The following NPHP4 variants were observed in gnomAD, a reference collection of about 807,000 sequenced individuals.
The protein encoded by NPHP4 is nephrocystin-4.
In NPHP4, 151 loss-of-function variants were observed where a neutral mutation model predicts 155.8. The observed-to-expected ratio is 0.97, with a 90% CI of 0.85 to 1.11. NPHP4 has a LOEUF of 1.11. Among genes scored for constraint, NPHP4 ranks in the 50% least tolerant of loss-of-function variants. The probability of loss-of-function intolerance (pLI) is 0.00; values close to 1 mark genes in which losing one functional copy is unlikely to be tolerated. For synonymous variants in NPHP4, 845 were observed against 816.8 expected, an observed-to-expected ratio of 1.03 and a Z score of -0.59; for missense variants, 1,956 against 1,925.7, an observed-to-expected ratio of 1.02 and a Z score of -0.29.
chr1:5,918,220 G>A (rs1645570470), intron 11 of NPHP4, among the ~76,000 whole-genome samples: 1 of 152,106 alleles, frequency 6.6e-6, no homozygotes. Flanking sequence ...CCTTAGGCAG[G>A]GCTTTACAGA....
intron 3 of NPHP4, among the ~76,000 whole-genome samples, chr1:5,970,135 A>T (rs976773922): frequency 2.6e-5 from 4 of 152,110 alleles, no homozygotes; most frequent in African/African-American, 9.7e-5. Context: ...GGGCGCTCCC[A>T]CTTGGGAATG....
At chr1:5,920,186 C>A (rs1050833216) in intron 11 of NPHP4, among the ~76,000 whole-genome samples, 1 of 152,188 alleles carries the variant, frequency 6.6e-6, no homozygotes, top group African/African-American at 2.4e-5. Context: ...CCGCCTGAAC[C>A]TCCCAAAGTG....
At chr1:5,899,286 A>G (rs1438758827) in intron 16 of NPHP4, among the ~76,000 whole-genome samples, 1 of 152,228 alleles carries the variant, frequency 6.6e-6, no homozygotes, top group Non-Finnish European at 1.5e-5. Flanking sequence ...TGAATGGAGA[A>G]GCATCACAGA....
Position 5,875,003 on chromosome 1 carries a change from C to T in NPHP4, c.2915G>A (p.Ser972Asn). The T allele has an allele frequency of 6.2e-7, 1 of 1,612,146 alleles. No individual in the cohort carries two copies. The highest frequency in any genetic ancestry group is 1.1e-5 in the South Asian group (1 of 91,066). The change falls in exon 21 of 30, where the codon AGC becomes AAC. Residue 972 changes from serine (S) to asparagine (N), a missense_variant. Coordinates refer to ENST00000378156, the MANE Select transcript of NPHP4 (RefSeq NM_015102.5). ...TKAESIASLL[S>N]LAITTEHTLH... is the part of the protein sequence containing the mutation. ...CGTGTGCTCCGTGGTGATGGCCAGG[C>T]TCAGCAGGCTGGCGATGCTCTCGGC...
At chr1:5,879,669 TG>T in intron 19 of NPHP4, 2 of 506,256 alleles carry the variant, frequency 4.0e-6, no homozygotes, top group Non-Finnish European at 7.9e-6. Context: ...GGTGGCTCGG[TG>T]GGGCCTGTGG....
At chr1:5,931,142 G>A (rs6660922) in intron 10 of NPHP4, among the ~76,000 whole-genome samples, 2,325 of 152,052 alleles carry the variant, frequency 0.015, 60 homozygotes, top group African/African-American at 0.053. Context: ...TTTAATTTAC[G>A]TTATATTTAT....
intron 5 of NPHP4, among the ~76,000 whole-genome samples, chr1:5,965,951 C>T (rs1651426741): frequency 6.6e-6 from 1 of 152,244 alleles, no homozygotes; most frequent in African/African-American, 2.4e-5. Flanking sequence ...CGCACGTGCA[C>T]GCTTCTCTCA....
intron 23 of NPHP4, among the ~76,000 whole-genome samples, chr1:5,872,164 A>G (rs1323153428): frequency 6.6e-6 from 1 of 152,250 alleles, no homozygotes; most frequent in Non-Finnish European, 1.5e-5. Context: ...TGCTCACAGC[A>G]TAAAGAGACA....
chr1:5,865,030 G>T, intron 27 of NPHP4, 72 bp downstream of exon 27: 2 of 1,499,398 alleles, frequency 1.3e-6, no homozygotes, highest in Non-Finnish European at 1.8e-6. Flanking sequence ...CTGTGCTCCA[G>T]CTGAATGCCC....
At position 5,942,139 on chromosome 1, in the gene NPHP4, T is replaced by C. The variant is rs1047149479; in HGVS notation, c.1119+4965A>G. ...GGATGTGGGACCCAAGGACTGCCCC[T>C]TGCTCACACGGACCACTACCAGGAA... On this transcript the variant is annotated intron_variant, in intron 9 of 29. Transcript: ENST00000378156. 2.3e-3 allele frequency among the ~76,000 whole-genome samples: 353 copies of C among 152,210 alleles called. 1 individual carries two copies. Among genetic ancestry groups the C allele is most frequent in the African/African-American group, 8.3e-3 (346 of 41,532 alleles).
At chr1:5,949,387 GACT>G (rs1188224196) in intron 7 of NPHP4, among the ~76,000 whole-genome samples, 2 of 69,238 alleles carry the variant, frequency 2.9e-5, no homozygotes, top group African/African-American at 9.4e-5. Flanking sequence ...TAACTTCATA[GACT>G]ACTAGGATGA....
chr1:5,897,021 C>T (rs1429760867), intron 16 of NPHP4, among the ~76,000 whole-genome samples: 1 of 152,192 alleles, frequency 6.6e-6, no homozygotes, highest in African/African-American at 2.4e-5. Flanking sequence ...AACTATTCCA[C>T]CGACTTCTCA....
At chr1:5,960,644 A>G (rs559789942) in intron 6 of NPHP4, among the ~76,000 whole-genome samples, 1 of 152,154 alleles carries the variant, frequency 6.6e-6, no homozygotes, top group African/African-American at 2.4e-5. Flanking sequence ...TGACAGGTAG[A>G]AGGAGGCTGG....
intron 4 of NPHP4, among the ~76,000 whole-genome samples, chr1:5,967,625 A>G (rs1429170676): frequency 6.6e-6 from 1 of 152,212 alleles, no homozygotes; most frequent in African/African-American, 2.4e-5. Context: ...ACACCATGGA[A>G]ATTTACAAAA....
At chr1:5,947,354 C>CA (rs1647161474) in intron 8 of NPHP4, 124 bp from the exon 9 acceptor site, 1 of 944,608 alleles carries the variant, frequency 1.1e-6, no homozygotes, top group Non-Finnish European at 1.6e-6. Flanking sequence ...GCTGCTGCAA[C>CA]AGCAAGTCCA....
chr1:5,883,983 C>T (rs1643541564), intron 18 of NPHP4, among the ~76,000 whole-genome samples: 3 of 152,178 alleles, frequency 2.0e-5, no homozygotes, highest in Admixed American at 1.3e-4. Context: ...TGCTGGGCTT[C>T]ATGACCGTTT....
rs1292291514 is a variant in NPHP4 at position 5,944,757 on chromosome 1, G to A, written c.1119+2347C>T. ...GGCCAAGGAGGGCAGATCACTTGAG[G>A]TCAGAAGTCTGAGACCTGCCTGGCC... On this transcript the variant is annotated intron_variant, in intron 9 of 29. Coordinates refer to ENST00000378156, the MANE Select transcript of NPHP4 (RefSeq NM_015102.5). This position sits in a 1 kb window ranked among gnomAD's most constrained non-coding sequence, Gnocchi z 4.3. Among the ~76,000 whole-genome samples the A allele has an allele frequency of 1.3e-5, 2 of 152,188 alleles. No homozygotes were observed. Among genetic ancestry groups the A allele is most frequent in the Non-Finnish European group, 2.9e-5 (2 of 68,042 alleles).
chr1:5,875,081 G>A lies in NPHP4; in HGVS notation c.2837C>T (p.Thr946Ile), dbSNP rs1642442237. ...TSVLAQQSVRTQHLRDLQVIA... is the reference protein window; with the variant it reads ...TSVLAQQSVRIQHLRDLQVIA... ...GACCTGTAGGTCCCGCAAGTGCTGTGTGCGGACGCTCTGCTGCGCCTGCAG... is the reference window on the plus strand; with the variant it reads ...GACCTGTAGGTCCCGCAAGTGCTGTATGCGGACGCTCTGCTGCGCCTGCAG... The change falls in exon 21 of 30, where the codon ACA becomes ATA. Residue 946 changes from threonine to isoleucine, a missense_variant. Thr to Ile is a moderately conservative substitution (Grantham distance 89). Coordinates refer to ENST00000378156, the MANE Select transcript of NPHP4 (RefSeq NM_015102.5). 6.2e-7 allele frequency: 1 copy of A among 1,605,292 alleles called. No individual in the cohort carries two copies. The highest frequency in any genetic ancestry group is 8.5e-7 in the Non-Finnish European group (1 of 1,179,274).
chr1:5,943,288 A>C (rs971007954), intron 9 of NPHP4, among the ~76,000 whole-genome samples: 2 of 152,232 alleles, frequency 1.3e-5, no homozygotes, highest in Non-Finnish European at 2.9e-5. Flanking sequence ...TTTTGTTCCT[A>C]GTTTGTTTCC....
Sources: gnomAD v4.1 joint callset for allele counts (sites outside exome capture counted in the v4.1 genomes callset) on GRCh38, gnomAD v4.1.1 for gene constraint, Gnocchi (gnomAD v3.1) non-coding constraint, MANE v1.5 for transcripts, NCBI Gene and HGNC (gene_info 2026-07-23, HGNC 2026-07-21) for gene names.